CNBD1: variants seen among roughly 807,000 people sequenced by gnomAD.
The protein encoded by CNBD1 is cyclic nucleotide-binding domain-containing protein 1.
In CNBD1, 71 loss-of-function variants were observed where a neutral mutation model predicts 54.4. The observed-to-expected ratio is 1.30, with a 90% CI of 1.08 to 1.59. The LOEUF (loss-of-function observed/expected upper bound fraction) is 1.59. Ranked by LOEUF, CNBD1 falls within the 40% of genes most tolerant of loss-of-function variation. The pLI, the probability that CNBD1 is intolerant of heterozygous loss-of-function variation, is 0.00. For synonymous variants in CNBD1, 182 were observed against 170.7 expected, an observed-to-expected ratio of 1.07 and a Z score of -0.51; for missense variants, 659 against 518.0, an observed-to-expected ratio of 1.27 and a Z score of -2.64.
intron 8 of CNBD1, among the ~76,000 whole-genome samples, chr8:87,347,894 A>C (rs1810207792): frequency 6.6e-6 from 1 of 152,144 alleles, no homozygotes; most frequent in Non-Finnish European, 1.5e-5. Context: ...TATTCTGATA[A>C]TTTCTGTGAC....
At chr8:87,095,692 C>T (rs911650067) in intron 4 of CNBD1, among the ~76,000 whole-genome samples, 3 of 152,160 alleles carry the variant, frequency 2.0e-5, no homozygotes, top group African/African-American at 7.2e-5. Flanking sequence ...GAGTCTCGCT[C>T]TGTCGCCCAG....
chr8:86,954,590 AT>A (rs1358050359), intron 4 of CNBD1, among the ~76,000 whole-genome samples: 1 of 151,936 alleles, frequency 6.6e-6, no homozygotes, highest in African/African-American at 2.4e-5. Context: ...GTGTTCTTAT[AT>A]TCTTTTACTA....
At chr8:86,888,417 T>G (rs944276866) in intron 2 of CNBD1, among the ~76,000 whole-genome samples, 2 of 152,212 alleles carry the variant, frequency 1.3e-5, no homozygotes, top group African/African-American at 4.8e-5. Flanking sequence ...CCTTTCGACA[T>G]GGAGTAAAGA....
chr8:87,389,212 A>C (rs1447622441), intron 2 of CNBD1, among the ~76,000 whole-genome samples: 1 of 152,170 alleles, frequency 6.6e-6, no homozygotes, highest in African/African-American at 2.4e-5. Flanking sequence ...GCCCTCTCTC[A>C]CCGCTGCTAT....
At chr8:87,214,162 C>G (rs1814158738) in intron 5 of CNBD1, among the ~76,000 whole-genome samples, 1 of 152,186 alleles carries the variant, frequency 6.6e-6, no homozygotes, top group Admixed American at 6.5e-5. Context: ...TTGTTCTTTT[C>G]TGTCACATCA....
At chr8:87,092,420 T>C (rs937265503) in intron 4 of CNBD1, among the ~76,000 whole-genome samples, 2 of 89,380 alleles carry the variant, frequency 2.2e-5, no homozygotes, top group Non-Finnish European at 2.9e-5. Flanking sequence ...TGTGTGTGTA[T>C]GTATGTATGT....
At chr8:87,115,927 C>T (rs927885841) in intron 4 of CNBD1, among the ~76,000 whole-genome samples, 1 of 152,118 alleles carries the variant, frequency 6.6e-6, no homozygotes, top group African/African-American at 2.4e-5. Context: ...TCCAGCTCAT[C>T]ATTACAAATA....
intron 4 of CNBD1, among the ~76,000 whole-genome samples, chr8:87,023,071 A>G (rs1809520398): frequency 6.6e-6 from 1 of 152,232 alleles, no homozygotes; most frequent in South Asian, 2.1e-4. Context: ...CCAGCTCCTA[A>G]CTAGGGAGGT....
In CNBD1 at chr8:87,353,650, A is replaced by T. The variant is rs752660076; in HGVS notation, c.1167A>T (p.Lys389Asn). 2.1e-5 allele frequency: 33 copies of T among 1,584,852 alleles called. No individual in the cohort carries two copies. In the South Asian group the frequency reaches 3.4e-4, roughly 16 times the overall value. Residue 389 changes from lysine (K) to asparagine (N), a missense_variant, in exon 10 of 11, where the codon AAA becomes AAT. Coordinates refer to ENST00000518476, the MANE Select transcript of CNBD1 (RefSeq NM_173538.3). Reference sequence around the variant, plus strand: ...TTTTTTAACAGAAAAGATCTCAAAAACTTGTTTATATGGGGAAACTTAAGG... The same window carrying T: ...TTTTTTAACAGAAAAGATCTCAAAATCTTGTTTATATGGGGAAACTTAAGG... ...LRSNKVKRSQKLVYMGKLKEK... is the reference protein window; with the variant it reads ...LRSNKVKRSQNLVYMGKLKEK...
intron 4 of CNBD1, among the ~76,000 whole-genome samples, chr8:87,199,237 G>C (rs1045752621): frequency 6.6e-6 from 1 of 152,144 alleles, no homozygotes; most frequent in African/African-American, 2.4e-5. Context: ...ATGAGAGAAA[G>C]TGCCACAAAA....
At chr8:86,993,297 C>A (rs1308544516) in intron 4 of CNBD1, among the ~76,000 whole-genome samples, 1 of 150,500 alleles carries the variant, frequency 6.6e-6, no homozygotes, top group Non-Finnish European at 1.5e-5. Flanking sequence ...GAATTTTTTT[C>A]AATTCCAGAA....
intron 6 of CNBD1, among the ~76,000 whole-genome samples, chr8:87,266,520 C>T (rs1456467386): frequency 1.0e-4 from 12 of 119,844 alleles, no homozygotes; most frequent in Admixed American, 4.7e-4. Flanking sequence ...GGCACTATGT[C>T]GGCTCACTGC....
intron 4 of CNBD1, among the ~76,000 whole-genome samples, chr8:87,017,552 G>T (rs1264075885): frequency 1.3e-5 from 2 of 152,052 alleles, no homozygotes; most frequent in Non-Finnish European, 2.9e-5. Context: ...AATAAAAATG[G>T]TTTACATGAA....
At chr8:86,910,646 T>C (rs775839122) in intron 3 of CNBD1, among the ~76,000 whole-genome samples, 77 of 152,184 alleles carry the variant, frequency 5.1e-4, no homozygotes, top group Non-Finnish European at 9.7e-4. Flanking sequence ...AGAAAAGACA[T>C]AGATTTTTAA....
At position 86,884,813 on chromosome 8, in the gene CNBD1, A is replaced by G. The variant is rs182611334; in HGVS notation, c.89-2729A>G. Among the ~76,000 whole-genome samples the G allele has an allele frequency of 5.4e-3, 823 of 152,340 alleles. 6 individuals carry two copies. Among genetic ancestry groups the G allele is most frequent in the Admixed American group, 0.016 (240 of 15,302 alleles). ...TGAACTGCTTCTTTGTGCTCTAAAA[A>G]TCATATTAAGCAAGGTTCCATTTAT... On this transcript the variant is annotated intron_variant, in intron 1 of 10. Coordinates refer to ENST00000518476, the MANE Select transcript of CNBD1 (RefSeq NM_173538.3).
chr8:86,905,996 A>G (rs1240165057), intron 3 of CNBD1, among the ~76,000 whole-genome samples: 2 of 152,122 alleles, frequency 1.3e-5, no homozygotes, highest in Non-Finnish European at 2.9e-5. Context: ...AATAACTTCT[A>G]TTGCCATATC....
At chr8:87,390,609 G>T (rs1563583787) in intron 2 of CNBD1, among the ~76,000 whole-genome samples, 1 of 152,202 alleles carries the variant, frequency 6.6e-6, no homozygotes, top group Non-Finnish European at 1.5e-5. Flanking sequence ...TGGAGAGGAT[G>T]TGGAGAAATA....
At chr8:87,391,066 G>A (rs1409708757) in intron 2 of CNBD1, among the ~76,000 whole-genome samples, 1 of 142,066 alleles carries the variant, frequency 7.0e-6, no homozygotes, top group Admixed American at 7.1e-5. Context: ...ACAGGAAGGG[G>A]AACATCACAC....
intron 2 of CNBD1, among the ~76,000 whole-genome samples, chr8:87,393,045 C>T (rs1811340564): frequency 6.6e-6 from 1 of 151,806 alleles, no homozygotes; most frequent in Admixed American, 6.6e-5. Flanking sequence ...GTGATGACTC[C>T]TAAGGCTTAG....
Sources: gnomAD v4.1 joint callset for allele counts (sites outside exome capture counted in the v4.1 genomes callset) on GRCh38, gnomAD v4.1.1 for gene constraint, MANE v1.5 for transcripts, NCBI Gene and HGNC (gene_info 2026-07-23, HGNC 2026-07-21) for gene names.